ABCA13: variants seen among roughly 807,000 people sequenced by gnomAD.
ABCA13 encodes ATP binding cassette subfamily A member 13, also known as ATP-binding cassette sub-family A member 13.
In ABCA13, 476 loss-of-function variants were observed where a neutral mutation model predicts 478.7. That is an observed-to-expected ratio of 0.99 (90% CI 0.92 to 1.07). ABCA13 has a LOEUF of 1.07. Ranked by LOEUF, ABCA13 falls within the 50% of genes least tolerant of loss-of-function variation. The pLI is 0.00. For missense variants in ABCA13, 6,060 were observed against 5,910.6 expected, an observed-to-expected ratio of 1.03 and a Z score of -0.83; for synonymous variants, 2,252 against 2,158.9, an observed-to-expected ratio of 1.04 and a Z score of -1.20.
intron 3 of ABCA13, among the ~76,000 whole-genome samples, chr7:48,204,996 TGCAATAGA>T (rs1190756027): frequency 1.1e-4 from 16 of 152,226 alleles, no homozygotes; most frequent in African/African-American, 3.6e-4. Flanking sequence ...CTTGTCTACC[TGCAATAGA>T]GCATTTTAGG....
At chr7:48,309,669 G>A (rs775239331) in intron 23 of ABCA13, among the ~76,000 whole-genome samples, 5 of 152,128 alleles carry the variant, frequency 3.3e-5, no homozygotes, top group Non-Finnish European at 5.9e-5. Context: ...TGAGCCTCGT[G>A]GAGAGCAGAG....
At chr7:48,554,879 T>C (rs1340280996) in intron 55 of ABCA13, among the ~76,000 whole-genome samples, 1 of 151,164 alleles carries the variant, frequency 6.6e-6, no homozygotes. Flanking sequence ...TCCAGTACTA[T>C]GTTAAATAAC....
chr7:48,411,053 C>CTTTCTTTCTT (rs1819071137), intron 40 of ABCA13, among the ~76,000 whole-genome samples: 2 of 83,706 alleles, frequency 2.4e-5, no homozygotes, highest in East Asian at 3.8e-4. Flanking sequence ...CTTTCTTTTT[C>CTTTCTTTCTT]TTTCTTTCTT....
chr7:48,390,803 A>G (rs778109899), intron 37 of ABCA13, among the ~76,000 whole-genome samples: 23 of 152,174 alleles, frequency 1.5e-4, no homozygotes, highest in Non-Finnish European at 3.1e-4. Flanking sequence ...TATCCACCAT[A>G]TGGAGGCAAC....
intron 23 of ABCA13, among the ~76,000 whole-genome samples, chr7:48,306,306 A>G (rs1025367276): frequency 6.6e-6 from 1 of 152,182 alleles, no homozygotes; most frequent in Non-Finnish European, 1.5e-5. Flanking sequence ...ATTAAATATG[A>G]TCTTGCATGG....
At chr7:48,555,760 C>T (rs1785755215) in intron 55 of ABCA13, among the ~76,000 whole-genome samples, 1 of 151,554 alleles carries the variant, frequency 6.6e-6, no homozygotes, top group Non-Finnish European at 1.5e-5. Context: ...TTTCAAAAAA[C>T]AAATTTTTAT....
At chr7:48,250,350 C>T (rs1792356587) in intron 15 of ABCA13, among the ~76,000 whole-genome samples, 1 of 152,118 alleles carries the variant, frequency 6.6e-6, no homozygotes, top group Non-Finnish European at 1.5e-5. Flanking sequence ...ACTCAACTTC[C>T]ATCCCTCTCT....
In ABCA13 at chr7:48,219,342, T is replaced by G. The variant is rs760163296; in HGVS notation, c.288-12T>G. ...TAAAGAGTTTCACTTGCAGTATTTA[T>G]TCTGTTTAAAGTTTGTCTAGGTTCC... On this transcript the variant is annotated splice_polypyrimidine_tract_variant and intron_variant, in intron 3 of 61. Transcript: ENST00000435803. The G allele has an allele frequency of 1.3e-6, 2 of 1,595,286 alleles. No individual in the cohort carries two copies. Among genetic ancestry groups the G allele is most frequent in the South Asian group, 2.3e-5 (2 of 86,412 alleles).
In ABCA13 at chr7:48,248,364, C is replaced by G. The variant is rs765630285; in HGVS notation, c.1785C>G (p.Leu595=). The G allele has an allele frequency of 1.9e-6, 3 of 1,613,792 alleles. No homozygotes were observed. Among genetic ancestry groups the G allele is most frequent in the Non-Finnish European group, 8.5e-7 (1 of 1,179,740 alleles). The part of the protein sequence containing the change: ...LSEASLSCTR[L]FLLLGADPSP... ...AAGCAAGCCTTTCCTGTACTCGGCT[C>G]TTCCTGCTGCTGGGAGCTGATCCCT... Residue 595 remains leucine, a synonymous_variant, in exon 14 of 62, where the codon CTC becomes CTG. Transcript: ENST00000435803.
At chr7:48,417,246 C>G (rs919454721) in intron 41 of ABCA13, among the ~76,000 whole-genome samples, 2 of 152,140 alleles carry the variant, frequency 1.3e-5, no homozygotes, top group Non-Finnish European at 2.9e-5. Flanking sequence ...TGACAGAATC[C>G]CCAAATGATG....
intron 25 of ABCA13, among the ~76,000 whole-genome samples, chr7:48,313,644 G>A (rs145247757): frequency 6.6e-6 from 1 of 152,296 alleles, no homozygotes; most frequent in African/African-American, 2.4e-5. Context: ...TACTGCAAAT[G>A]CAAACACAAA....
Position 48,372,456 on chromosome 7 carries a change from G to T in ABCA13, c.11092G>T (p.Val3698Phe). The T allele has an allele frequency of 6.3e-7, 1 of 1,593,380 alleles. No homozygotes were observed. Among genetic ancestry groups the T allele is most frequent in the Non-Finnish European group, 8.6e-7 (1 of 1,168,188 alleles). The change falls in exon 33 of 62, where the codon GTT (valine) becomes TTT (phenylalanine). Residue 3698 changes from valine to phenylalanine, a missense_variant. Physicochemically the swap from Val to Phe is conservative, Grantham distance 50. Around this residue, in one of 3 missense-constraint regions of ABCA13, gnomAD observed 4,423 missense variants for 4,309.1 expected, o/e 1.03. Coordinates refer to ENST00000435803, the MANE Select transcript of ABCA13 (RefSeq NM_152701.5). ...CTTTCTGCCCTACATAGTTCTATTG[G>T]TTCTACATAACCAATTAAGTTTTGT... ...ISFLPYIVLL[V>F]LHNQLSFVNQ...
intron 29 of ABCA13, among the ~76,000 whole-genome samples, chr7:48,339,049 C>G (rs1020669080): frequency 2.0e-5 from 3 of 152,186 alleles, no homozygotes; most frequent in South Asian, 4.1e-4. Flanking sequence ...AATCAGCGAT[C>G]AGGGCCCTGC....
At chr7:48,282,314 T>G (rs1210193812) in intron 19 of ABCA13, among the ~76,000 whole-genome samples, 1 of 152,220 alleles carries the variant, frequency 6.6e-6, no homozygotes, top group Non-Finnish European at 1.5e-5. Flanking sequence ...GTCCATGGAA[T>G]GGACCACAGT....
intron 15 of ABCA13, among the ~76,000 whole-genome samples, chr7:48,259,717 A>C (rs1793909589): frequency 1.1e-5 from 1 of 91,554 alleles, no homozygotes; most frequent in East Asian, 2.3e-4. Flanking sequence ...TATATACTTA[A>C]GTGTTTTTTT....
At position 48,467,003 on chromosome 7, in the gene ABCA13, T is replaced by C; in HGVS notation, c.12863T>C (p.Phe4288Ser). 1 of 1,613,976 alleles carries C rather than the reference T, an allele frequency of 6.2e-7. No individual in the cohort carries two copies. Among genetic ancestry groups the C allele is most frequent in the Non-Finnish European group, 8.5e-7 (1 of 1,179,874 alleles). Residue 4288 changes from phenylalanine (F) to serine (S), a missense_variant, in exon 44 of 62, where the codon TTT becomes TCT. Coordinates refer to ENST00000435803, the MANE Select transcript of ABCA13 (RefSeq NM_152701.5). ...CTCACCCGTGTGCTTCTGCGGAAGTTTAGAGATCAAGATTTGCCCTGTGCA... is the reference window on the plus strand; with the variant it reads ...CTCACCCGTGTGCTTCTGCGGAAGTCTAGAGATCAAGATTTGCCCTGTGCA... ...LDLTRVLLRK[F>S]RDQDLPCADL...
At chr7:48,258,431 T>A (rs1793708213) in intron 15 of ABCA13, among the ~76,000 whole-genome samples, 1 of 152,222 alleles carries the variant, frequency 6.6e-6, no homozygotes, top group Non-Finnish European at 1.5e-5. Flanking sequence ...TCAGTTGTAA[T>A]GTCCCCTTTT....
chr7:48,221,184 G>T, intron 4 of ABCA13, 97 bp from the exon 5 acceptor site: 1 of 625,292 alleles, frequency 1.6e-6, no homozygotes, highest in Non-Finnish European at 2.8e-6. Flanking sequence ...CAGGGCTCTT[G>T]GATACTCCAT....
chr7:48,401,233 A>T (rs567689325), intron 38 of ABCA13, among the ~76,000 whole-genome samples: 1 of 152,250 alleles, frequency 6.6e-6, no homozygotes, highest in South Asian at 2.1e-4. Flanking sequence ...CCAGTGTATG[A>T]TACATGTCTA....
Sources: allele counts gnomAD v4.1 joint callset (sites outside exome capture counted in the v4.1 genomes callset), GRCh38; gene constraint gnomAD v4.1.1; regional missense constraint gnomAD v4.1.1; transcripts MANE v1.5; gene names NCBI Gene and HGNC (gene_info 2026-07-23, HGNC 2026-07-21).